STRN: variants seen among roughly 807,000 people sequenced by gnomAD.
STRN encodes the protein protein phosphatase 2 regulatory subunit B'''alpha.
In STRN, 53 loss-of-function variants were observed where a neutral mutation model predicts 96.3. The observed-to-expected ratio is 0.55, with a 90% CI of 0.44 to 0.69. The LOEUF (loss-of-function observed/expected upper bound fraction) is 0.69. STRN is among the 30% of genes least tolerant of loss of function. STRN has a pLI of 0.00. For missense variants in STRN, 987 were observed against 963.9 expected (o/e 1.02, Z -0.32); for synonymous variants, 428 against 355.9 (o/e 1.20, Z -2.28).
At chr2:36,951,888 C>A (rs1007144701) in intron 1 of STRN, among the ~76,000 whole-genome samples, 9 of 152,212 alleles carry the variant, frequency 5.9e-5, no homozygotes, top group Non-Finnish European at 8.8e-5. Flanking sequence ...CAGCATTACC[C>A]GCTGAGCTCC....
intron 9 of STRN, among the ~76,000 whole-genome samples, chr2:36,883,720 G>T (rs1272966009): frequency 6.6e-6 from 1 of 152,102 alleles, no homozygotes; most frequent in Non-Finnish European, 1.5e-5. Context: ...ATTTAGAGTT[G>T]GTTTTTAAGT....
chr2:36,942,971 C>A lies in STRN; in HGVS notation c.235-17763G>T, dbSNP rs556065293. 2.0e-5 allele frequency among the ~76,000 whole-genome samples: 3 copies of A among 152,252 alleles called. No individual in the cohort carries two copies. The South Asian group carries it at 6.2e-4, about 32-fold the overall frequency. On this transcript the variant is annotated intron_variant, in intron 1 of 17. Coordinates refer to ENST00000263918, the MANE Select transcript of STRN (RefSeq NM_003162.4). ...TCGGCCTCCCAAAGTGCTGGGATTA[C>A]AGGTGTCAGCCACCATGCCCGGCCA... is the stretch of plus-strand genomic sequence containing the variant.
intron 8 of STRN, among the ~76,000 whole-genome samples, chr2:36,884,491 T>C (rs1264867364): frequency 1.3e-5 from 2 of 152,184 alleles, no homozygotes; most frequent in African/African-American, 4.8e-5. Context: ...GTACCCGAGG[T>C]GAAGTCTCAT....
intron 10 of STRN, among the ~76,000 whole-genome samples, chr2:36,871,914 G>C (rs2148153407): frequency 6.6e-6 from 1 of 152,266 alleles, no homozygotes; most frequent in East Asian, 1.9e-4. Context: ...GTCAAATTAG[G>C]ATAATAAGAG....
rs546185607 is a variant in STRN, at chr2:36,941,705, C to T, written c.235-16497G>A. On this transcript the variant is annotated intron_variant, in intron 1 of 17. Transcript: ENST00000263918. ...GTTGGGATTACAGGCGCCTGCCACCCCACCCAGCTAATTTTTTTTTTTTTT... is the reference window on the plus strand; with the variant it reads ...GTTGGGATTACAGGCGCCTGCCACCTCACCCAGCTAATTTTTTTTTTTTTT... Among the ~76,000 whole-genome samples the T allele has an allele frequency of 2.1e-5, 3 of 143,754 alleles. No homozygotes were observed. The East Asian group carries it at 5.9e-4, about 28-fold the overall frequency. 94.3% of individuals were successfully genotyped at this position (143,754 alleles called of 152,430 possible). A position where few individuals can be genotyped will look rare whatever the true frequency, so the allele number is the denominator to read the frequency against.
At chr2:36,964,548 A>C (rs1665111986) in intron 1 of STRN, among the ~76,000 whole-genome samples, 1 of 152,206 alleles carries the variant, frequency 6.6e-6, no homozygotes, top group African/African-American at 2.4e-5. Context: ...GATCGACTAA[A>C]TACTACAGCA....
chr2:36,894,060 T>A (rs763795209), intron 6 of STRN, 27 bp from the exon 7 acceptor site: 1 of 1,601,426 alleles, frequency 6.2e-7, no homozygotes, highest in Non-Finnish European at 8.5e-7. Flanking sequence ...CTAAATTAAA[T>A]AAAGGAGATA....
At chr2:36,851,236 G>A in intron 15 of STRN, 129 bp from the exon 16 acceptor site, 1 of 674,698 alleles carries the variant, frequency 1.5e-6, no homozygotes, top group Non-Finnish European at 2.4e-6. Context: ...TGTAATCCAA[G>A]CACGTTGGGA....
intron 12 of STRN, among the ~76,000 whole-genome samples, chr2:36,861,467 G>A (rs1051886871): frequency 1.3e-5 from 2 of 152,042 alleles, no homozygotes; most frequent in Non-Finnish European, 2.9e-5. Context: ...TCCAACCACT[G>A]GTCTGTTTCT....
At chr2:36,858,869 C>T (rs1668412655) in intron 13 of STRN, among the ~76,000 whole-genome samples, 1 of 152,084 alleles carries the variant, frequency 6.6e-6, no homozygotes. Context: ...GTTGAAAGTA[C>T]AATAATTGTG....
chr2:36,965,058 A>C (rs559017432), intron 1 of STRN, among the ~76,000 whole-genome samples: 1 of 152,228 alleles, frequency 6.6e-6, no homozygotes, highest in Non-Finnish European at 1.5e-5. Flanking sequence ...AGCCACTTCC[A>C]CTACACCAGA....
At chr2:36,929,420 G>T (rs1357596518) in intron 1 of STRN, among the ~76,000 whole-genome samples, 1 of 150,250 alleles carries the variant, frequency 6.7e-6, no homozygotes, top group Non-Finnish European at 1.5e-5. Flanking sequence ...GTCTCGCTCT[G>T]TCGCCCAGGC....
chr2:36,851,083 T>C lies in STRN; in HGVS notation c.2003A>G (p.Asn668Ser), dbSNP rs1668208853. The change falls in exon 16 of 18, where the codon AAT (asparagine) becomes AGT (serine). Residue 668 changes from asparagine (N) to serine (S), a missense_variant. Transcript: ENST00000263918. ...AAGAGTAGGATGACTGATGACTCTA[T>C]TTATTTGGCAGGAAGAGTTGGCTGC... ...DTTANSSCQI[N>S]RVISHPTLPI... 1 of 1,613,638 alleles carries C rather than the reference T, an allele frequency of 6.2e-7. No homozygotes were observed. The highest frequency in any genetic ancestry group is 8.5e-7 in the Non-Finnish European group (1 of 1,179,812).
intron 2 of STRN, among the ~76,000 whole-genome samples, chr2:36,922,987 C>G (rs1489675611): frequency 6.6e-6 from 1 of 151,664 alleles, no homozygotes; most frequent in African/African-American, 2.4e-5. Flanking sequence ...ACTGAAAATA[C>G]AAAAATTAGC....
chr2:36,899,553 T>G lies in STRN; in HGVS notation c.765A>C (p.Gly255=). 1.2e-6 allele frequency: 2 copies of G among 1,612,580 alleles called. No homozygotes were observed. The highest frequency in any genetic ancestry group is 1.7e-6 in the Non-Finnish European group (2 of 1,179,692). ...AAGTATCAATGACGCTTTTCTCTCTTCCATCAACATCATCATCTTCATCTT... is the reference window on the plus strand; with the variant it reads ...AAGTATCAATGACGCTTTTCTCTCTGCCATCAACATCATCATCTTCATCTT... The part of the protein sequence containing the change: ...SDEDEDDDVD[G]REKSVIDTST... Residue 255 remains glycine (G), a synonymous_variant, in exon 6 of 18, where the codon GGA becomes GGC. Transcript: ENST00000263918.
At chr2:36,863,856 T>A (rs1164143176) in intron 12 of STRN, among the ~76,000 whole-genome samples, 1 of 152,200 alleles carries the variant, frequency 6.6e-6, no homozygotes, top group East Asian at 1.9e-4. Context: ...TAATTCTCAG[T>A]GTAGAGATCT....
At chr2:36,918,811 G>A (rs1047402155) in intron 2 of STRN, among the ~76,000 whole-genome samples, 15 of 151,964 alleles carry the variant, frequency 9.9e-5, no homozygotes, top group Admixed American at 3.9e-4. Flanking sequence ...CATTCATACC[G>A]TTTTCCACTG....
chr2:36,880,870 TA>T (rs1184418683), intron 9 of STRN, among the ~76,000 whole-genome samples: 3 of 152,138 alleles, frequency 2.0e-5, no homozygotes, highest in Admixed American at 6.5e-5. Flanking sequence ...AATGGCCAAG[TA>T]AAACCTGAAA....
chr2:36,886,714 A>C lies in STRN; in HGVS notation c.1042+2T>G. On this transcript the variant is annotated splice_donor_variant, in intron 8 of 17. Transcript: ENST00000263918. LOFTEE classifies it high-confidence loss of function. Reference sequence around the variant, plus strand: ...TTTACAGATACAATGTTTTCCACTTACTCTTCACCCCCTTTTTCCCCTTTC... The same window carrying C: ...TTTACAGATACAATGTTTTCCACTTCCTCTTCACCCCCTTTTTCCCCTTTC... 4 of 1,593,460 alleles carry C rather than the reference A, an allele frequency of 2.5e-6. No individual in the cohort carries two copies. Among genetic ancestry groups the C allele is most frequent in the Non-Finnish European group, 3.4e-6 (4 of 1,165,724 alleles).
Sources: allele counts gnomAD v4.1 joint callset (sites outside exome capture counted in the v4.1 genomes callset), GRCh38; gene constraint gnomAD v4.1.1; transcripts MANE v1.5; gene names NCBI Gene and HGNC (gene_info 2026-07-23, HGNC 2026-07-21).